Variants in ERC2 observed in about 807,000 individuals in gnomAD.
ERC2 encodes ELKS/RAB6-interacting/CAST family member 2, also known as ERC protein 2.
Under a neutral mutation model 114.8 loss-of-function variants are expected in ERC2, and 42 were observed. The ratio of observed to expected loss-of-function variants is 0.37; its 90% confidence interval spans 0.29 to 0.47. The LOEUF (loss-of-function observed/expected upper bound fraction) is 0.47. Ranked by LOEUF, ERC2 falls within the 20% of genes least tolerant of loss-of-function variation. The probability of loss-of-function intolerance (pLI) is 0.99; values close to 1 mark genes in which losing one functional copy is unlikely to be tolerated. For synonymous variants in ERC2, 454 were observed against 425.5 expected, an observed-to-expected ratio of 1.07 and a Z score of -0.82; for missense variants, 939 against 1,150.7, an observed-to-expected ratio of 0.82 and a Z score of 2.66.
intron 13 of ERC2, among the ~76,000 whole-genome samples, chr3:55,924,561 G>A (rs867161208): frequency 1.1e-4 from 17 of 151,894 alleles, no homozygotes; most frequent in Admixed American, 3.3e-4. Flanking sequence ...TCCTCTCTCC[G>A]CAAAAATCCT....
At chr3:55,623,788 G>A (rs1283469293) in intron 17 of ERC2, among the ~76,000 whole-genome samples, 1 of 152,226 alleles carries the variant, frequency 6.6e-6, no homozygotes, top group African/African-American at 2.4e-5. Flanking sequence ...TCAGGAATAA[G>A]AACTACTTCC....
intron 15 of ERC2, among the ~76,000 whole-genome samples, chr3:55,721,358 T>C (rs1372912618): frequency 6.6e-6 from 1 of 152,272 alleles, no homozygotes; most frequent in African/African-American, 2.4e-5. Flanking sequence ...AATGTTCTAC[T>C]GAACAATGCA....
intron 2 of ERC2, among the ~76,000 whole-genome samples, chr3:56,423,990 A>G (rs1209958435): frequency 6.6e-6 from 1 of 152,200 alleles, no homozygotes; most frequent in Non-Finnish European, 1.5e-5. Flanking sequence ...ACCTGCAACT[A>G]ATTATAGAAA....
At chr3:56,396,890 A>G (rs996208843) in intron 2 of ERC2, among the ~76,000 whole-genome samples, 2 of 152,086 alleles carry the variant, frequency 1.3e-5, no homozygotes, top group African/African-American at 4.8e-5. Flanking sequence ...CCACCATAAA[A>G]AGTCTCTGCC....
At chr3:56,028,794 C>A (rs748632580) in intron 7 of ERC2, among the ~76,000 whole-genome samples, 1 of 151,970 alleles carries the variant, frequency 6.6e-6, no homozygotes, top group Non-Finnish European at 1.5e-5. Context: ...AAGGATGACA[C>A]TTTTTTCTTT....
intron 17 of ERC2, among the ~76,000 whole-genome samples, chr3:55,650,785 T>C (rs542680749): frequency 8.6e-5 from 13 of 152,010 alleles, no homozygotes; most frequent in Non-Finnish European, 1.5e-4. Context: ...CTAGGCAAAA[T>C]TGAAAAGCCA....
chr3:56,014,520 C>T (rs1417988148), intron 8 of ERC2, among the ~76,000 whole-genome samples: 1 of 152,090 alleles, frequency 6.6e-6, no homozygotes, highest in Admixed American at 6.6e-5. Context: ...CCAGGTGATG[C>T]AACTGTCAAG....
At chr3:56,154,358 T>C (rs145527780) in intron 4 of ERC2, among the ~76,000 whole-genome samples, 111 of 152,306 alleles carry the variant, frequency 7.3e-4, no homozygotes, top group Middle Eastern at 3.4e-3. Context: ...TCTAATTCTT[T>C]ATGGCAAAAT....
chr3:56,006,917 GT>G (rs1487780260), intron 10 of ERC2, among the ~76,000 whole-genome samples: 2 of 151,954 alleles, frequency 1.3e-5, no homozygotes, highest in Non-Finnish European at 2.9e-5. Flanking sequence ...GTAATGGCTG[GT>G]TTTTATAATA....
intron 6 of ERC2, among the ~76,000 whole-genome samples, chr3:56,138,047 A>ATT (rs2080616772): frequency 8.7e-6 from 1 of 114,384 alleles, no homozygotes; most frequent in Admixed American, 9.1e-5. Flanking sequence ...TGAAAATGGT[A>ATT]TTTCTTTTTT....
intron 13 of ERC2, among the ~76,000 whole-genome samples, chr3:55,891,453 T>A (rs930116976): frequency 2.1e-5 from 3 of 142,132 alleles, no homozygotes; most frequent in Non-Finnish European, 4.6e-5. Flanking sequence ...TTTTTTTTTT[T>A]TTTTTTTTTT....
chr3:55,639,752 C>T (rs976548014), intron 17 of ERC2, among the ~76,000 whole-genome samples: 72 of 152,200 alleles, frequency 4.7e-4, no homozygotes, highest in African/African-American at 1.7e-3. Flanking sequence ...ATGTGTGATA[C>T]TTTGGTTTTT....
In ERC2 at chr3:55,734,765, C is replaced by T; in HGVS notation, c.2712+6G>A. 1.2e-6 allele frequency: 2 copies of T among 1,606,260 alleles called. No homozygotes were observed. The highest frequency in any genetic ancestry group is 1.7e-6 in the Non-Finnish European group (2 of 1,176,306). ...AAAAACACACCTGTCTTGCAGGAGG[C>T]CCCACCTGCTGCTTTAATTGATGTA... On this transcript the variant is annotated splice_donor_region_variant and intron_variant, in intron 15 of 17. Transcript: ENST00000288221.
intron 6 of ERC2, among the ~76,000 whole-genome samples, chr3:56,131,704 G>A (rs894478129): frequency 2.4e-4 from 37 of 152,112 alleles, no homozygotes; most frequent in Admixed American, 6.6e-4. Flanking sequence ...GGTGAGGGGC[G>A]AAAGGGAAAG....
At chr3:56,164,929 T>C (rs1400040877) in intron 4 of ERC2, among the ~76,000 whole-genome samples, 1 of 152,060 alleles carries the variant, frequency 6.6e-6, no homozygotes, top group Non-Finnish European at 1.5e-5. Flanking sequence ...TTGCCCAGTT[T>C]TGTAATTCAG....
At chr3:55,713,802 A>G (rs916178122) in intron 15 of ERC2, among the ~76,000 whole-genome samples, 2 of 152,170 alleles carry the variant, frequency 1.3e-5, no homozygotes, top group African/African-American at 4.8e-5. Context: ...TCAACTATAA[A>G]TCCATCCATC....
chr3:56,066,261 T>A (rs927747725), intron 7 of ERC2, among the ~76,000 whole-genome samples: 1 of 152,228 alleles, frequency 6.6e-6, no homozygotes, highest in Non-Finnish European at 1.5e-5. Context: ...AGATGGTAGT[T>A]CATTGTGGTT....
chr3:56,172,032 C>CTT (rs71939591), intron 4 of ERC2, among the ~76,000 whole-genome samples: 113 of 140,336 alleles, frequency 8.1e-4, no homozygotes, highest in African/African-American at 2.8e-3. Context: ...CATTTTTCCT[C>CTT]TTTTTTTTTT....
chr3:55,902,616 A>G (rs1009026015), intron 13 of ERC2, among the ~76,000 whole-genome samples: 1 of 152,218 alleles, frequency 6.6e-6, no homozygotes, highest in African/African-American at 2.4e-5. Flanking sequence ...TCCAAATGGA[A>G]TAAGTATTCA....
Sources: gnomAD v4.1 joint callset for allele counts (sites outside exome capture counted in the v4.1 genomes callset) on GRCh38, gnomAD v4.1.1 for gene constraint, MANE v1.5 for transcripts, NCBI Gene and HGNC (gene_info 2026-07-23, HGNC 2026-07-21) for gene names.